The following TRPM5 variants were observed in gnomAD, a reference collection of about 807,000 sequenced individuals.
TRPM5 encodes the protein MLSN1 and TRP-related.
A neutral mutation model predicts 124.9 loss-of-function variants in TRPM5; 121 were observed. The observed-to-expected ratio is 0.97, with a 90% CI of 0.84 to 1.13. The LOEUF (loss-of-function observed/expected upper bound fraction) is 1.13. TRPM5 is among the 50% of genes most tolerant of loss of function. The probability of loss-of-function intolerance (pLI) is 0.00; values close to 1 mark genes in which losing one functional copy is unlikely to be tolerated. For synonymous variants in TRPM5, 781 were observed against 700.5 expected (o/e 1.11, Z -1.81); for missense variants, 1,643 against 1,589.1 (o/e 1.03, Z -0.58).
chr11:2,414,808 C>A, exon 11 of TRPM5: 1 of 1,582,332 alleles, frequency 6.3e-7, no homozygotes, highest in South Asian at 1.1e-5. Flanking sequence ...ATTTTGCAGG[C>A]GGCCAGTGCG....
At chr11:2,409,864 G>A (rs149280962) in intron 18 of TRPM5, among the ~76,000 whole-genome samples, 38 of 152,316 alleles carry the variant, frequency 2.5e-4, no homozygotes, top group East Asian at 1.2e-3. Flanking sequence ...GGCAGCACTC[G>A]GAGCAGGGGC....
At chr11:2,415,270 C>A in exon 9 of TRPM5, 1 of 1,571,938 alleles carries the variant, frequency 6.4e-7, no homozygotes, top group Non-Finnish European at 8.6e-7. Flanking sequence ...CCCAGGCCGG[C>A]CAGCGTCAGC....
chr11:2,408,738 T>TG (rs1850378315), intron 18 of TRPM5, among the ~76,000 whole-genome samples: 1 of 152,226 alleles, frequency 6.6e-6, no homozygotes, highest in African/African-American at 2.4e-5. Flanking sequence ...GGAGCCGCAG[T>TG]GGGCGTCAGG....
At chr11:2,411,401 G>A in exon 18 of TRPM5, 2 of 1,611,892 alleles carry the variant, frequency 1.2e-6, no homozygotes. Flanking sequence ...GGTAGGGCCG[G>A]TAGAGCACCC....
At chr11:2,408,571 C>T (rs1328099663) in intron 18 of TRPM5, among the ~76,000 whole-genome samples, 1 of 152,216 alleles carries the variant, frequency 6.6e-6, no homozygotes, top group Non-Finnish European at 1.5e-5. Flanking sequence ...GCAGGCTGAG[C>T]TCCCTCGGCC....
intron 8 of TRPM5, 43 bp downstream of exon 13, chr11:2,415,863 C>A: frequency 7.1e-7 from 1 of 1,406,546 alleles, no homozygotes; most frequent in Non-Finnish European, 9.9e-7. Context: ...GCAGCTCGGG[C>A]AGTGCCATGA....
chr11:2,408,165 C>G (rs926817716), intron 18 of TRPM5, among the ~76,000 whole-genome samples: 1 of 152,174 alleles, frequency 6.6e-6, no homozygotes, highest in Non-Finnish European at 1.5e-5. Context: ...TGAGCTTCCA[C>G]CAGGGGCTGG....
exon 14 of TRPM5, chr11:2,413,155 G>A (rs200948792): frequency 1.9e-5 from 29 of 1,553,432 alleles, no homozygotes; most frequent in African/African-American, 2.7e-5. Flanking sequence ...GCCATACAGC[G>A]GGCTCTTCTC....
At chr11:2,428,581 ATGG>A in the TRPM5 span, among the ~76,000 whole-genome samples, 1 of 149,984 alleles carries the variant, frequency 6.7e-6, no homozygotes, top group Non-Finnish European at 1.5e-5. The surrounding 1 kb of genome is among the most constrained non-coding windows in gnomAD (Gnocchi z 4.0). Flanking sequence ...GGTGGTGGTG[ATGG>A]TGGTGGGCAT....
intron 6 of TRPM5, among the ~76,000 whole-genome samples, 167 bp from the exon 12 acceptor site, chr11:2,417,996 G>A (rs1845710173): frequency 6.6e-6 from 1 of 151,772 alleles, no homozygotes; most frequent in Non-Finnish European, 1.5e-5. Flanking sequence ...CAGACCAAGG[G>A]GCTGCCTGGG....
intron 16 of TRPM5, 62 bp from the exon 22 acceptor site, chr11:2,411,829 G>T: frequency 6.3e-7 from 1 of 1,594,468 alleles, no homozygotes; most frequent in African/African-American, 1.3e-5. Flanking sequence ...TTCCCCAGGG[G>T]CACACAGCAT....
At chr11:2,411,515 G>A (rs140095559) in exon 18 of TRPM5, 715 of 1,608,674 alleles carry the variant, frequency 4.4e-4, no homozygotes, top group Non-Finnish European at 5.7e-4. Flanking sequence ...GGAAGAAGAA[G>A]ACGTCCTTCA....
the TRPM5 span, among the ~76,000 whole-genome samples, chr11:2,429,993 G>C: frequency 6.9e-6 from 1 of 144,362 alleles, no homozygotes; most frequent in African/African-American, 2.6e-5. This position sits in a 1 kb window ranked among gnomAD's most constrained non-coding sequence, Gnocchi z 8.4. Context: ...CTATGGAGTT[G>C]GGGGGCACAG....
chr11:2,410,952 G>A (rs1343745265), intron 18 of TRPM5, among the ~76,000 whole-genome samples: 3 of 152,162 alleles, frequency 2.0e-5, no homozygotes, highest in African/African-American at 7.2e-5. Flanking sequence ...GACCCCGGAT[G>A]ATGGCTGGGA....
Position 2,415,754 on chromosome 11 carries a change from C to T in TRPM5, c.1128+152G>A, listed in dbSNP as rs757838607. 49 of 655,154 alleles carry T rather than the reference C, an allele frequency of 7.5e-5. 1 individual carries two copies. The highest frequency in any genetic ancestry group is 1.7e-4 in the Admixed American group (6 of 35,476). The allele number at this position is 655,154 out of a possible 1,614,324, so 40.6% of individuals were successfully genotyped here. ...TGGGCCAGTGAGCGAGGCAGAAGCC[C>T]GGGCAGAACCGTGGCCTGGTCTTGC... On this transcript the variant is annotated intron_variant, in intron 8 of 23. Transcript: ENST00000155858.
At chr11:2,404,938 C>T (rs1488170942) in exon 24 of TRPM5, 3 of 1,611,590 alleles carry the variant, frequency 1.9e-6, no homozygotes, top group South Asian at 2.2e-5. Flanking sequence ...CCAAGCAGCT[C>T]AGGTGTCCGA....
chr11:2,412,338 A>G (rs989075835), intron 15 of TRPM5, 85 bp from the exon 21 acceptor site: 52 of 1,018,538 alleles, frequency 5.1e-5, no homozygotes, highest in Non-Finnish European at 7.5e-5. Flanking sequence ...TGGATCTGTA[A>G]GGATCAGGGT....
intron 16 of TRPM5, 42 bp downstream of exon 21, chr11:2,412,093 A>T: frequency 6.4e-7 from 1 of 1,556,944 alleles, no homozygotes; most frequent in Non-Finnish European, 8.8e-7. Context: ...AAGCCTGCCC[A>T]CAAGCCGCCC....
chr11:2,408,460 G>T (rs926745659), intron 18 of TRPM5, among the ~76,000 whole-genome samples: 1 of 152,224 alleles, frequency 6.6e-6, no homozygotes, highest in African/African-American at 2.4e-5. Flanking sequence ...TATTGAGCCA[G>T]CAGGCTCCAG....
Sources: allele counts gnomAD v4.1 joint callset (sites outside exome capture counted in the v4.1 genomes callset), GRCh38; gene constraint gnomAD v4.1.1; non-coding constraint Gnocchi (gnomAD v3.1); transcripts MANE v1.5; gene names NCBI Gene and HGNC (gene_info 2026-07-23, HGNC 2026-07-21).